CFAP221: variants seen among roughly 807,000 people sequenced by gnomAD.
CFAP221 encodes the protein cilia and flagella associated protein 221, also known as cilia- and flagella-associated protein 221.
CFAP221 carries 97 observed loss-of-function variants against 113.1 expected under a neutral mutation model. The ratio of observed to expected loss-of-function variants is 0.86; its 90% confidence interval spans 0.73 to 1.02. The LOEUF (loss-of-function observed/expected upper bound fraction) is 1.02, where lower values mean the gene tolerates loss of function less well. Ranked by LOEUF, CFAP221 falls within the 50% of genes least tolerant of loss-of-function variation. The probability of loss-of-function intolerance (pLI) is 0.00; values close to 1 mark genes in which losing one functional copy is unlikely to be tolerated. For missense variants in CFAP221, 1,025 were observed against 1,013.4 expected (o/e 1.01, Z -0.16); for synonymous variants, 331 against 354.4 (o/e 0.93, Z 0.74).
At chr2:119,587,017 A>G in intron 6 of CFAP221, 102 bp from the exon 7 acceptor site, 5 of 794,888 alleles carry the variant, frequency 6.3e-6, no homozygotes, top group East Asian at 2.8e-5. Context: ...ATTGGCAGTC[A>G]TCATTGTTTA....
In CFAP221 at chr2:119,638,245, C is replaced by T. The variant is rs1687234900; in HGVS notation, c.1975-14C>T. The T allele has an allele frequency of 3.7e-6, 6 of 1,612,878 alleles. No individual in the cohort carries two copies. The African/African-American group carries it at 5.3e-5, about 14-fold the overall frequency. On this transcript the variant is annotated splice_polypyrimidine_tract_variant and intron_variant, in intron 19 of 23. Transcript: ENST00000413369. ...GGTAAACAGAAAAGAATATTTTTTC[C>T]CTGTCTTCGGCAGAATCCCAACCCA...
intron 13 of CFAP221, among the ~76,000 whole-genome samples, chr2:119,612,355 G>T (rs1685235584): frequency 6.6e-6 from 1 of 152,196 alleles, no homozygotes. Context: ...AGAAGCCTCA[G>T]GAAACGTACA....
chr2:119,624,550 A>G (rs1449586994), intron 14 of CFAP221, among the ~76,000 whole-genome samples: 2 of 152,188 alleles, frequency 1.3e-5, no homozygotes, highest in South Asian at 2.1e-4. Flanking sequence ...AAATCATTCT[A>G]CTATAAAGAC....
chr2:119,647,907 C>T (rs934881612), intron 22 of CFAP221, among the ~76,000 whole-genome samples: 1 of 152,004 alleles, frequency 6.6e-6, no homozygotes, highest in Non-Finnish European at 1.5e-5. Flanking sequence ...ATAGAGCACC[C>T]GAAATGTTGT....
chr2:119,642,778 A>C (rs1316919686), intron 21 of CFAP221, among the ~76,000 whole-genome samples: 1 of 150,764 alleles, frequency 6.6e-6, no homozygotes, highest in African/African-American at 2.4e-5. Context: ...GGCCTCAAGC[A>C]ATCCTCCCAC....
chr2:119,592,806 G>C (rs574267643), intron 7 of CFAP221, among the ~76,000 whole-genome samples: 17 of 152,332 alleles, frequency 1.1e-4, no homozygotes, highest in Middle Eastern at 3.4e-3. Flanking sequence ...AGACCTTGCT[G>C]ATCGTCCCCG....
At chr2:119,640,953 T>C (rs760799735) in intron 21 of CFAP221, among the ~76,000 whole-genome samples, 6 of 152,318 alleles carry the variant, frequency 3.9e-5, no homozygotes, top group Non-Finnish European at 7.4e-5. Flanking sequence ...TCAGCGTTGA[T>C]GTTTTAATTT....
intron 19 of CFAP221, among the ~76,000 whole-genome samples, chr2:119,637,291 C>G (rs1224147344): frequency 6.6e-6 from 1 of 152,200 alleles, no homozygotes; most frequent in African/African-American, 2.4e-5. Flanking sequence ...GGCATAGCAG[C>G]CTCTGCACCA....
Position 119,586,883 on chromosome 2 carries a change from CTT to C in CFAP221, c.528-235_528-234del, listed in dbSNP as rs201417614. On this transcript the variant is annotated intron_variant, in intron 6 of 23. Coordinates refer to ENST00000413369, the MANE Select transcript of CFAP221 (RefSeq NM_001271049.2). ...ACCTTGTGTGGAACACTTACCCTCTCTTGTGCCTCAGTTTCCTCTTCTGTAAG... is the reference window on the plus strand; with the variant it reads ...ACCTTGTGTGGAACACTTACCCTCTCGTGCCTCAGTTTCCTCTTCTGTAAG... 64 of 386,160 alleles carry C rather than the reference CTT, an allele frequency of 1.7e-4. No homozygotes were observed. The East Asian group carries it at 2.5e-3, about 15-fold the overall frequency. 23.9% of individuals were successfully genotyped at this position (386,160 alleles called of 1,614,324 possible).
At chr2:119,588,945 G>C (rs1452511563) in intron 7 of CFAP221, among the ~76,000 whole-genome samples, 1 of 152,076 alleles carries the variant, frequency 6.6e-6, no homozygotes, top group Non-Finnish European at 1.5e-5. Context: ...AAGGGGAGGT[G>C]GATCCAGGAA....
rs942972348 is a variant in CFAP221, at chr2:119,561,961, T to C, written c.427-53T>C. 6.6e-5 allele frequency: 78 copies of C among 1,174,878 alleles called. No homozygotes were observed. The African/African-American group carries it at 9.9e-4, about 15-fold the overall frequency. The allele number at this position is 1,174,878 out of a possible 1,614,324, so 72.8% of individuals were successfully genotyped here. On this transcript the variant is annotated intron_variant, in intron 5 of 23. Coordinates refer to ENST00000413369, the MANE Select transcript of CFAP221 (RefSeq NM_001271049.2). ...GAAATAAAGCATCTACAAGTTTGTC[T>C]AAAAGTTGTAGTCTTCAGAATGTTA...
intron 7 of CFAP221, among the ~76,000 whole-genome samples, chr2:119,599,830 T>G (rs1437216655): frequency 2.6e-5 from 4 of 152,216 alleles, no homozygotes; most frequent in Non-Finnish European, 5.9e-5. Flanking sequence ...GGGATTTGTT[T>G]TGTTTATTGC....
downstream of CFAP221, among the ~76,000 whole-genome samples, chr2:119,658,860 A>G (rs1316752218): frequency 6.6e-6 from 1 of 151,956 alleles, no homozygotes. Flanking sequence ...GCATGGTGGC[A>G]AACACCTGTA....
At chr2:119,641,455 C>T (rs1043117847) in intron 21 of CFAP221, among the ~76,000 whole-genome samples, 2 of 152,142 alleles carry the variant, frequency 1.3e-5, no homozygotes, top group South Asian at 2.1e-4. Context: ...GGAACAATGG[C>T]ATGGAAGAGA....
chr2:119,546,231 A>C lies in CFAP221; in HGVS notation c.100A>C (p.Lys34Gln), dbSNP rs1342701120. ...CTTGAAGAACCTAGTGGAGGAGCCGAAAAAAAGAAAAGAAGTACCTAATCA... is the reference window on the plus strand; with the variant it reads ...CTTGAAGAACCTAGTGGAGGAGCCGCAAAAAAGAAAAGAAGTACCTAATCA... ...HLLKNLVEEPKKRKEVPNHLL... is the reference protein window; with the variant it reads ...HLLKNLVEEPQKRKEVPNHLL... The change falls in exon 2 of 24, where the codon AAA becomes CAA. Residue 34 changes from lysine (K) to glutamine (Q), a missense_variant. Coordinates refer to ENST00000413369, the MANE Select transcript of CFAP221 (RefSeq NM_001271049.2). The C allele has an allele frequency of 2.6e-6, 4 of 1,535,578 alleles. No individual in the cohort carries two copies. The Admixed American group carries it at 5.9e-5, about 23-fold the overall frequency.
chr2:119,570,286 C>A (rs1191985630), intron 6 of CFAP221, among the ~76,000 whole-genome samples: 1 of 152,192 alleles, frequency 6.6e-6, no homozygotes. Flanking sequence ...TTTTCATTCT[C>A]CCATGTGAAG....
At chr2:119,600,259 A>T (rs1295133887) in intron 7 of CFAP221, among the ~76,000 whole-genome samples, 1 of 152,238 alleles carries the variant, frequency 6.6e-6, no homozygotes. Context: ...CCAGAGATAC[A>T]AAAGAGGAAT....
chr2:119,590,248 A>G (rs1384889964), intron 7 of CFAP221: 6 of 152,236 alleles, frequency 3.9e-5, no homozygotes, highest in Admixed American at 3.9e-4. Flanking sequence ...AGCCACTTAC[A>G]AATAATTTTA....
chr2:119,630,258 C>A (rs1686674557), intron 17 of CFAP221, among the ~76,000 whole-genome samples: 1 of 152,136 alleles, frequency 6.6e-6, no homozygotes, highest in Admixed American at 6.5e-5. Flanking sequence ...AATTAGTCAG[C>A]CTTTCTTGAG....
Sources: gnomAD v4.1 joint callset for allele counts (sites outside exome capture counted in the v4.1 genomes callset) on GRCh38, gnomAD v4.1.1 for gene constraint, MANE v1.5 for transcripts, NCBI Gene and HGNC (gene_info 2026-07-23, HGNC 2026-07-21) for gene names.